RD3: variants seen among roughly 807,000 people sequenced by gnomAD.
RD3 encodes protein RD3.
Under a neutral mutation model 16.9 loss-of-function variants are expected in RD3, and 11 were observed. That is an observed-to-expected ratio of 0.65 (90% confidence interval 0.41 to 1.08). RD3 has a LOEUF of 1.08. RD3 is among the 50% of genes least tolerant of loss of function. RD3 has a pLI of 0.00. For missense variants in RD3, 274 were observed against 267.4 expected, an observed-to-expected ratio of 1.02 and a Z score of -0.17; for synonymous variants, 116 against 114.8, an observed-to-expected ratio of 1.01 and a Z score of -0.07.
chr1:211,490,768 T>C lies in RD3; in HGVS notation c.-12+1000A>G, dbSNP rs1393194492. Among the ~76,000 whole-genome samples the C allele has an allele frequency of 2.0e-5, 3 of 152,056 alleles. No homozygotes were observed. In the East Asian group the frequency reaches 5.8e-4, roughly 29 times the overall value. On this transcript the variant is annotated intron_variant, in intron 1 of 2. Transcript: ENST00000680073. ...GCCCACCTGACAGACATCTGCTCAT[T>C]TGTCGGGAACCCCTCAAGAGACAAC...
At position 211,481,446 on chromosome 1, in the gene RD3, G is replaced by A. The variant is rs61733538; in HGVS notation, c.-11-20C>T. ...CTGGCCCTGCTGAGACAGGACAGAT[G>A]TGCATCTTTCCTGGGCCCCTCTGTT... On this transcript the variant is annotated intron_variant, in intron 1 of 2. Transcript: ENST00000680073. The A allele has an allele frequency of 3.7e-6, 6 of 1,609,304 alleles. No individual in the cohort carries two copies. The African/African-American group carries it at 5.3e-5, about 14-fold the overall frequency.
rs1392739163 is a variant in RD3, at chr1:211,491,866, A to G, written c.-110T>C. The G allele has an allele frequency of 6.6e-6, 1 of 152,268 alleles. No individual in the cohort carries two copies. Among genetic ancestry groups the G allele is most frequent in the Non-Finnish European group, 1.5e-5 (1 of 68,130 alleles). The allele number at this position is 152,268 out of a possible 1,614,324, so 9.4% of individuals were successfully genotyped here. On this transcript the variant is annotated 5_prime_UTR_variant, in exon 1 of 3. Coordinates refer to ENST00000680073, the MANE Select transcript of RD3 (RefSeq NM_001164688.2). ...GAGAGTGTCTGGATATTTTCAGGAAAAAAAAAGAAAGTTGAGCAGCCACAG... is the reference window on the plus strand; with the variant it reads ...GAGAGTGTCTGGATATTTTCAGGAAGAAAAAAGAAAGTTGAGCAGCCACAG...
Position 211,484,064 on chromosome 1 carries a change from A to G in RD3, c.-11-2638T>C, listed in dbSNP as rs1370523979. On this transcript the variant is annotated intron_variant, in intron 1 of 2. Transcript: ENST00000680073. ...CTCGGAAGCTTTTCTTGACCTTCCCATCTCCGAGGTAGATGTGGCCACTCT... is the reference window on the plus strand; with the variant it reads ...CTCGGAAGCTTTTCTTGACCTTCCCGTCTCCGAGGTAGATGTGGCCACTCT... Among the ~76,000 whole-genome samples the G allele has an allele frequency of 5.3e-5, 8 of 152,134 alleles. No individual in the cohort carries two copies. The East Asian group carries it at 1.3e-3, about 26-fold the overall frequency.
At chr1:211,484,848 C>T (rs1705342945) in intron 1 of RD3, among the ~76,000 whole-genome samples, 1 of 152,234 alleles carries the variant, frequency 6.6e-6, no homozygotes, top group Non-Finnish European at 1.5e-5. Flanking sequence ...GGCCCAGCCA[C>T]ACCCCTGCAA....
Position 211,492,053 on chromosome 1 carries a change from G to C in RD3, c.-297C>G, listed in dbSNP as rs976523141. 1 of 51,702 alleles carries C rather than the reference G, an allele frequency of 1.9e-5. No individual in the cohort carries two copies. The highest frequency in any genetic ancestry group is 3.2e-5 in the Non-Finnish European group (1 of 31,116). 3.2% of individuals were successfully genotyped at this position (51,702 alleles called of 1,614,324 possible). A position where few individuals can be genotyped will look rare whatever the true frequency, so the allele number is the denominator to read the frequency against. ...TATTGTTTGTGGGGTGTGTAGGTGT[G>C]TGTGTGTGTGTGTGTGTGTGTGTGT... On this transcript the variant is annotated 5_prime_UTR_variant, in exon 1 of 3. Coordinates refer to ENST00000680073, the MANE Select transcript of RD3 (RefSeq NM_001164688.2).
Position 211,481,149 on chromosome 1 carries a change from G to A in RD3, c.267C>T (p.His89=), listed in dbSNP as rs774930521. 1.2e-6 allele frequency: 2 copies of A among 1,614,262 alleles called. No individual in the cohort carries two copies. The highest frequency in any genetic ancestry group is 2.2e-5 in the South Asian group (2 of 91,086). The change falls in exon 2 of 3, where the codon CAC becomes CAT. Residue 89 remains histidine, a synonymous_variant. Coordinates refer to ENST00000680073, the MANE Select transcript of RD3 (RefSeq NM_001164688.2). ...GGATAGCAGGCCCACAATAGGATGG[G>A]TGGATCTTAACGCAGACATCTTCCA... is the stretch of plus-strand genomic sequence containing the variant. ...LQLEDVCVKI[H]PSYCGPAILR...
intron 1 of RD3, among the ~76,000 whole-genome samples, chr1:211,487,965 G>A (rs1327642027): frequency 6.6e-6 from 1 of 152,236 alleles, no homozygotes; most frequent in African/African-American, 2.4e-5. Context: ...CTCCTGAGTG[G>A]AAAGGGACTC....
chr1:211,482,093 A>AGG (rs1705278720), intron 1 of RD3, among the ~76,000 whole-genome samples: 1 of 149,814 alleles, frequency 6.7e-6, no homozygotes, highest in Non-Finnish European at 1.5e-5. Flanking sequence ...GTGGTGGTGC[A>AGG]TGCCTGTAAT....
intron 1 of RD3, among the ~76,000 whole-genome samples, chr1:211,487,138 C>A: frequency 6.6e-6 from 1 of 152,140 alleles, no homozygotes; most frequent in Non-Finnish European, 1.5e-5. Flanking sequence ...CCAGATCCAC[C>A]AAAGGGAACA....
At chr1:211,488,789 C>G (rs1705428554) in intron 1 of RD3, among the ~76,000 whole-genome samples, 1 of 152,162 alleles carries the variant, frequency 6.6e-6, no homozygotes, top group African/African-American at 2.4e-5. Flanking sequence ...ACATACATGC[C>G]TTCCGTTCCC....
chr1:211,478,379 C>T lies in RD3; in HGVS notation c.*657G>A. On this transcript the variant is annotated 3_prime_UTR_variant, in exon 3 of 3. Transcript: ENST00000680073. ...TAGCCCAGGATTCCAAACTCAGGAACAGACACTATTCATGCAGGAACAATC... is the reference window on the plus strand; with the variant it reads ...TAGCCCAGGATTCCAAACTCAGGAATAGACACTATTCATGCAGGAACAATC... The T allele has an allele frequency of 2.5e-6, 1 of 393,136 alleles. No individual in the cohort carries two copies. 24.4% of individuals were successfully genotyped at this position (393,136 alleles called of 1,614,324 possible).
intron 1 of RD3, among the ~76,000 whole-genome samples, chr1:211,487,159 T>C (rs948195440): frequency 2.0e-5 from 3 of 152,214 alleles, no homozygotes; most frequent in Admixed American, 1.3e-4. Flanking sequence ...ATGGTTTTTT[T>C]CTTCCCCTTT....
chr1:211,488,453 TG>T (rs1298959543), intron 1 of RD3, among the ~76,000 whole-genome samples: 1 of 150,420 alleles, frequency 6.6e-6, no homozygotes, highest in Non-Finnish European at 1.5e-5. Flanking sequence ...GAGAATTGCT[TG>T]AACCCGGGAG....
At chr1:211,487,124 A>C (rs776431450) in intron 1 of RD3, among the ~76,000 whole-genome samples, 1 of 152,216 alleles carries the variant, frequency 6.6e-6, no homozygotes, top group Non-Finnish European at 1.5e-5. Flanking sequence ...TGTCTGCCTA[A>C]GATCCAGATC....
chr1:211,479,087 C>A lies in RD3; in HGVS notation c.537G>T (p.Pro179=), dbSNP rs759768016. ...CGGGCATGCTCCAGGACCGCAGTGG[C>A]GGCGGTGTGTCCCGCTCCACGTCCT... The part of the protein sequence containing the change: ...ISEDVERDTP[P]PLRSWSMPEF... The change falls in exon 3 of 3, where the codon CCG becomes CCT. Residue 179 remains proline, a synonymous_variant. Transcript: ENST00000680073. The A allele has an allele frequency of 1.2e-6, 2 of 1,610,486 alleles. No individual in the cohort carries two copies. Among genetic ancestry groups the A allele is most frequent in the Non-Finnish European group, 8.5e-7 (1 of 1,179,216 alleles).
chr1:211,489,977 C>G (rs1043880831), intron 1 of RD3, among the ~76,000 whole-genome samples: 3 of 152,186 alleles, frequency 2.0e-5, no homozygotes, highest in African/African-American at 7.2e-5. Context: ...CCTTCATTAC[C>G]CCTTCCACCC....
At chr1:211,489,777 C>T (rs947533451) in intron 1 of RD3, among the ~76,000 whole-genome samples, 1 of 152,090 alleles carries the variant, frequency 6.6e-6, no homozygotes, top group Admixed American at 6.6e-5. Context: ...CCAGCCCTGG[C>T]TTCTGGTCAC....
At chr1:211,486,748 C>T (rs1306988252) in intron 1 of RD3, among the ~76,000 whole-genome samples, 1 of 147,048 alleles carries the variant, frequency 6.8e-6, no homozygotes, top group African/African-American at 2.5e-5. Context: ...GAGGCTAAGG[C>T]AGGAGAATGG....
At chr1:211,479,596 T>A (rs146663902) in intron 2 of RD3, among the ~76,000 whole-genome samples, 1 of 152,236 alleles carries the variant, frequency 6.6e-6, no homozygotes, top group Non-Finnish European at 1.5e-5. Context: ...TGAGCTATAA[T>A]GAACTAAGAT....
Sources: gnomAD v4.1 joint callset for allele counts (sites outside exome capture counted in the v4.1 genomes callset) on GRCh38, gnomAD v4.1.1 for gene constraint, MANE v1.5 for transcripts, NCBI Gene and HGNC (gene_info 2026-07-23, HGNC 2026-07-21) for gene names.